ZMAT4: variants seen among roughly 807,000 people sequenced by gnomAD.
ZMAT4 encodes the protein zinc finger matrin-type 4, also known as zinc finger matrin-type protein 4.
In ZMAT4, 17 loss-of-function variants were observed where a neutral mutation model predicts 28.7. The observed-to-expected ratio is 0.59, with a 90% confidence interval of 0.41 to 0.89. ZMAT4 has a LOEUF of 0.89. Ranked by LOEUF, ZMAT4 falls within the 40% of genes least tolerant of loss-of-function variation. The pLI, the probability that ZMAT4 is intolerant of heterozygous loss-of-function variation, is 0.00. For synonymous variants in ZMAT4, 117 were observed against 109.2 expected, an observed-to-expected ratio of 1.07 and a Z score of -0.44; for missense variants, 240 against 283.8, an observed-to-expected ratio of 0.85 and a Z score of 1.11.
rs866073374 is a variant in ZMAT4 at position 40,721,072 on chromosome 8, C to T, written c.193-23671G>A. On this transcript the variant is annotated intron_variant, in intron 3 of 6. Transcript: ENST00000297737. ...ATACATGTGCCATGCTGGTGCACTG[C>T]ACCCACTAACTCGTCATCTAGCATT... Among the ~76,000 whole-genome samples the T allele has an allele frequency of 3.3e-3, 484 of 148,854 alleles. 5 individuals are homozygous for T. The highest frequency in any genetic ancestry group is 0.011 in the African/African-American group (454 of 40,290).
chr8:40,729,920 A>G (rs1472458354), intron 3 of ZMAT4, among the ~76,000 whole-genome samples: 2 of 152,214 alleles, frequency 1.3e-5, no homozygotes, highest in African/African-American at 2.4e-5. Context: ...AGTATTTAAA[A>G]AAACAAAATT....
rs1184080734 is a variant in ZMAT4 at position 40,564,548 on chromosome 8, G to GA, written c.674+16616dup. Among the ~76,000 whole-genome samples the GA allele has an allele frequency of 1.4e-4, 22 of 152,214 alleles. No individual in the cohort carries two copies. The East Asian group carries it at 3.3e-3, about 23-fold the overall frequency. ...GACAAAAGTAAAGTTTTCCTCTGTG[G>GA]AAAAAATGTTGACAGTTACCTAGCA... On this transcript the variant is annotated intron_variant, in intron 6 of 6. Coordinates refer to ENST00000297737, the MANE Select transcript of ZMAT4 (RefSeq NM_024645.3).
intron 1 of ZMAT4, among the ~76,000 whole-genome samples, chr8:40,889,717 G>A (rs1481205263): frequency 6.6e-6 from 1 of 151,988 alleles, no homozygotes; most frequent in Non-Finnish European, 1.5e-5. Context: ...AATTTTAATA[G>A]TTTTCTTGAT....
intron 1 of ZMAT4, among the ~76,000 whole-genome samples, chr8:40,887,848 C>CT (rs1244557184): frequency 6.6e-6 from 1 of 152,136 alleles, no homozygotes; most frequent in Non-Finnish European, 1.5e-5. Flanking sequence ...TCCTGGAATG[C>CT]TGGGGCACCT....
intron 5 of ZMAT4, among the ~76,000 whole-genome samples, chr8:40,654,474 C>A (rs1807829264): frequency 6.6e-6 from 1 of 152,032 alleles, no homozygotes; most frequent in African/African-American, 2.4e-5. Context: ...GTCTGTATTA[C>A]CCTGATACCA....
chr8:40,806,931 A>G (rs1317936662), intron 2 of ZMAT4, among the ~76,000 whole-genome samples: 1 of 152,014 alleles, frequency 6.6e-6, no homozygotes, highest in Non-Finnish European at 1.5e-5. Flanking sequence ...CAAACTTAGA[A>G]GAAAACGCTC....
At chr8:40,569,649 G>C (rs373817636) in intron 6 of ZMAT4, among the ~76,000 whole-genome samples, 1 of 152,116 alleles carries the variant, frequency 6.6e-6, no homozygotes, top group African/African-American at 2.4e-5. Flanking sequence ...GTGAAAATAA[G>C]CTCCTTTCTT....
At chr8:40,675,814 G>A (rs957652770) in intron 4 of ZMAT4, among the ~76,000 whole-genome samples, 8 of 152,080 alleles carry the variant, frequency 5.3e-5, no homozygotes, top group South Asian at 2.1e-4. Flanking sequence ...ACCTGCTCAC[G>A]TTGATGCTGA....
At position 40,776,256 on chromosome 8, in the gene ZMAT4, T is replaced by C. The variant is rs369419584; in HGVS notation, c.103-8526A>G. ...TTAGGTCACTTCGTTTCTTCCAAAA[T>C]ATGTTTAAAACAGCATTTAAAGTGA... On this transcript the variant is annotated intron_variant, in intron 2 of 6. Coordinates refer to ENST00000297737, the MANE Select transcript of ZMAT4 (RefSeq NM_024645.3). 3.3e-5 allele frequency among the ~76,000 whole-genome samples: 5 copies of C among 152,320 alleles called. No homozygotes were observed. The East Asian group carries it at 7.7e-4, about 23-fold the overall frequency.
At chr8:40,800,463 C>T (rs72641542) in intron 2 of ZMAT4, among the ~76,000 whole-genome samples, 14,886 of 152,130 alleles carry the variant, frequency 0.098, 955 homozygotes, top group South Asian at 0.16. Context: ...TTAGGACATG[C>T]ATCAAAATAA....
intron 2 of ZMAT4, among the ~76,000 whole-genome samples, chr8:40,789,246 C>G (rs529108221): frequency 1.3e-5 from 2 of 152,246 alleles, no homozygotes; most frequent in Non-Finnish European, 1.5e-5. Context: ...CTTCCTCACC[C>G]CTGTAAAAGG....
At chr8:40,731,692 G>T (rs891562787) in intron 3 of ZMAT4, among the ~76,000 whole-genome samples, 3 of 152,158 alleles carry the variant, frequency 2.0e-5, no homozygotes, top group Non-Finnish European at 4.4e-5. Context: ...GCTGATCAAA[G>T]ACTACAGGGA....
chr8:40,862,927 A>G (rs1343180831), intron 1 of ZMAT4, among the ~76,000 whole-genome samples: 1 of 152,028 alleles, frequency 6.6e-6, no homozygotes, highest in African/African-American at 2.4e-5. Context: ...TATGTAACAA[A>G]CCTGCACATT....
intron 5 of ZMAT4, among the ~76,000 whole-genome samples, chr8:40,622,648 C>A (rs988596850): frequency 6.6e-6 from 1 of 152,182 alleles, no homozygotes; most frequent in South Asian, 2.1e-4. Flanking sequence ...TGTGCAAGAA[C>A]CATGGCATCA....
At chr8:40,552,617 T>C (rs1007721976) in intron 6 of ZMAT4, among the ~76,000 whole-genome samples, 1 of 152,126 alleles carries the variant, frequency 6.6e-6, no homozygotes, top group Non-Finnish European at 1.5e-5. Context: ...TGAAAACACA[T>C]ATATAAACAT....
At chr8:40,781,128 C>T (rs1182338557) in intron 2 of ZMAT4, among the ~76,000 whole-genome samples, 1 of 152,108 alleles carries the variant, frequency 6.6e-6, no homozygotes, top group Non-Finnish European at 1.5e-5. Flanking sequence ...ATGACATAAT[C>T]CTAACTGATC....
chr8:40,532,878 C>T (rs928858667), intron 6 of ZMAT4, among the ~76,000 whole-genome samples: 9 of 151,790 alleles, frequency 5.9e-5, no homozygotes, highest in African/African-American at 2.2e-4. Flanking sequence ...CCTGTAGTCC[C>T]AGCTACTCAG....
chr8:40,881,350 T>C (rs555922871), intron 1 of ZMAT4, among the ~76,000 whole-genome samples: 1 of 148,316 alleles, frequency 6.7e-6, no homozygotes, highest in East Asian at 2.0e-4. Flanking sequence ...GAGACACCAC[T>C]GCACTCCAGC....
In ZMAT4 at chr8:40,629,849, T is replaced by C. The variant is rs576918181; in HGVS notation, c.577+44855A>G. ...GGTTCCAAGTCTTTGCTATTGTGAG[T>C]AGTGCCGCTATAAACATACGTGTGC... On this transcript the variant is annotated intron_variant, in intron 5 of 6. Transcript: ENST00000297737. Among the ~76,000 whole-genome samples the C allele has an allele frequency of 5.9e-5, 9 of 152,236 alleles. No homozygotes were observed. The East Asian group carries it at 1.7e-3, about 29-fold the overall frequency.
Sources: gnomAD v4.1 joint callset for allele counts (sites outside exome capture counted in the v4.1 genomes callset) on GRCh38, gnomAD v4.1.1 for gene constraint, MANE v1.5 for transcripts, NCBI Gene and HGNC (gene_info 2026-07-23, HGNC 2026-07-21) for gene names.